The following SCMH1 variants were observed in gnomAD, a reference collection of about 807,000 sequenced individuals.
SCMH1 encodes the protein polycomb protein SCMH1.
In SCMH1, 37 loss-of-function variants were observed where a neutral mutation model predicts 70.8. The ratio of observed to expected loss-of-function variants is 0.52; its 90% CI spans 0.40 to 0.69. The LOEUF (loss-of-function observed/expected upper bound fraction) is 0.69, where lower values mean the gene tolerates loss of function less well. Ranked by LOEUF, SCMH1 falls within the 30% of genes least tolerant of loss-of-function variation. The pLI, the probability that SCMH1 is intolerant of heterozygous loss-of-function variation, is 0.00. For missense variants in SCMH1, 607 were observed against 827.3 expected (o/e 0.73, Z 3.27); for synonymous variants, 292 against 307.4 (o/e 0.95, Z 0.52).
intron 10 of SCMH1, among the ~76,000 whole-genome samples, chr1:41,068,135 T>C (rs2148859218): frequency 6.6e-6 from 1 of 152,354 alleles, no homozygotes; most frequent in Non-Finnish European, 1.5e-5. Context: ...TTTGCAGGTC[T>C]GGTGTTTCTA....
intron 12 of SCMH1, chr1:41,038,098 G>C (rs1260223779): frequency 6.6e-6 from 1 of 152,546 alleles, no homozygotes; most frequent in African/African-American, 2.4e-5. Flanking sequence ...GCATGGAGAT[G>C]AGAATCGGGT....
intron 1 of SCMH1, among the ~76,000 whole-genome samples, chr1:41,221,639 G>A (rs1471077924): frequency 1.3e-5 from 2 of 150,398 alleles, no homozygotes; most frequent in Non-Finnish European, 2.9e-5. Context: ...TATAATCCCA[G>A]CACTTTGGGA....
At chr1:41,100,362 C>A (rs756998640) in intron 8 of SCMH1, among the ~76,000 whole-genome samples, 1 of 151,796 alleles carries the variant, frequency 6.6e-6, no homozygotes, top group African/African-American at 2.4e-5. Context: ...TTTCTACCCC[C>A]TAGGCAGCAA....
chr1:41,192,827 T>C (rs894261795), intron 1 of SCMH1, among the ~76,000 whole-genome samples: 2 of 152,190 alleles, frequency 1.3e-5, no homozygotes, highest in African/African-American at 4.8e-5. Context: ...TGCACACTTA[T>C]GCTTCACCAA....
intron 5 of SCMH1, among the ~76,000 whole-genome samples, chr1:41,148,076 T>C (rs907552485): frequency 6.6e-6 from 1 of 152,200 alleles, no homozygotes; most frequent in Non-Finnish European, 1.5e-5. Context: ...ATTCTAGTGG[T>C]TGCATTAGAG....
intron 1 of SCMH1, among the ~76,000 whole-genome samples, chr1:41,228,172 G>A: frequency 6.6e-6 from 1 of 152,124 alleles, no homozygotes; most frequent in South Asian, 2.1e-4. Flanking sequence ...GCCAGTGGTT[G>A]TTTGTAATTA....
At position 41,203,475 on chromosome 1, in the gene SCMH1, A is replaced by T. The variant is rs141612432; in HGVS notation, c.-117-17225T>A. Among the ~76,000 whole-genome samples, 14 of 152,342 alleles carry T rather than the reference A, an allele frequency of 9.2e-5. No individual in the cohort carries two copies. The East Asian group carries it at 2.7e-3, about 29-fold the overall frequency. ...ATCTATTAAGTACTTATTATGTGCC[A>T]AGCACTGCTCTAAGCACATTCCATG... On this transcript the variant is annotated intron_variant, in intron 1 of 14. Coordinates refer to ENST00000337495, the Ensembl canonical transcript of SCMH1.
intron 7 of SCMH1, among the ~76,000 whole-genome samples, chr1:41,114,342 A>G (rs1669927008): frequency 6.6e-6 from 1 of 152,226 alleles, no homozygotes; most frequent in Non-Finnish European, 1.5e-5. Flanking sequence ...AGTTTCAAAA[A>G]ATGTGTTGTA....
At chr1:41,227,139 T>A (rs1256509059) in intron 1 of SCMH1, among the ~76,000 whole-genome samples, 1 of 152,244 alleles carries the variant, frequency 6.6e-6, no homozygotes, top group Non-Finnish European at 1.5e-5. Context: ...GTGGTCTACA[T>A]GACATGGAGC....
At chr1:41,057,061 G>A (rs550780798) in intron 10 of SCMH1, among the ~76,000 whole-genome samples, 18 of 152,182 alleles carry the variant, frequency 1.2e-4, no homozygotes, top group Non-Finnish European at 2.1e-4. Context: ...CCTTCCATTC[G>A]GGAGAAGAGA....
intron 6 of SCMH1, among the ~76,000 whole-genome samples, chr1:41,121,362 A>C (rs761225385): frequency 5.3e-5 from 8 of 152,240 alleles, no homozygotes; most frequent in Non-Finnish European, 8.8e-5. Flanking sequence ...TTTCATAACT[A>C]ATCATCACAT....
intron 2 of SCMH1, among the ~76,000 whole-genome samples, chr1:41,167,902 G>T (rs1027574632): frequency 7.1e-6 from 1 of 140,118 alleles, no homozygotes; most frequent in Non-Finnish European, 1.5e-5. Flanking sequence ...TGCTTTGCTG[G>T]CAGTGTTTTG....
chr1:41,197,562 T>G (rs1013854473), intron 1 of SCMH1, among the ~76,000 whole-genome samples: 1 of 152,058 alleles, frequency 6.6e-6, no homozygotes. Context: ...TTATATTTAA[T>G]GCGTACAGAA....
intron 2 of SCMH1, among the ~76,000 whole-genome samples, chr1:41,184,630 G>A (rs1649689598): frequency 6.6e-6 from 1 of 152,130 alleles, no homozygotes; most frequent in South Asian, 2.1e-4. Context: ...ATTCGACAAA[G>A]CATTCACTAC....
chr1:41,174,717 G>A (rs962063743), intron 2 of SCMH1, among the ~76,000 whole-genome samples: 1 of 152,142 alleles, frequency 6.6e-6, no homozygotes, highest in Admixed American at 6.6e-5. Flanking sequence ...ATGTTTGTGT[G>A]TATATACACA....
chr1:41,045,911 A>G (rs207460094), intron 12 of SCMH1: 1 of 152,822 alleles, frequency 6.5e-6, no homozygotes, highest in East Asian at 1.9e-4. Flanking sequence ...AGTTAGAAAT[A>G]GCAGGAACTT....
intron 1 of SCMH1, among the ~76,000 whole-genome samples, chr1:41,232,128 A>G (rs941492926): frequency 1.3e-5 from 2 of 152,070 alleles, no homozygotes; most frequent in African/African-American, 4.8e-5. Flanking sequence ...AAGAGATCTT[A>G]GGTAAAGTTA....
At chr1:41,216,375 G>T (rs887854137) in intron 1 of SCMH1, among the ~76,000 whole-genome samples, 1 of 152,120 alleles carries the variant, frequency 6.6e-6, no homozygotes, top group African/African-American at 2.4e-5. Flanking sequence ...TTACAGTCAA[G>T]GATTCATTAT....
intron 1 of SCMH1, among the ~76,000 whole-genome samples, chr1:41,232,150 A>G (rs1251470497): frequency 1.3e-5 from 2 of 152,100 alleles, no homozygotes; most frequent in African/African-American, 4.8e-5. Context: ...TATATCTGTC[A>G]CCTAAATAGT....
Sources: allele counts gnomAD v4.1 joint callset (sites outside exome capture counted in the v4.1 genomes callset), GRCh38; gene constraint gnomAD v4.1.1; transcripts MANE v1.5; gene names NCBI Gene and HGNC (gene_info 2026-07-23, HGNC 2026-07-21).